Variants in CSRP2 observed in about 807,000 individuals in gnomAD.
CSRP2 encodes cysteine and glycine rich protein 2.
A neutral mutation model predicts 24.6 loss-of-function variants in CSRP2; 18 were observed. The ratio of observed to expected loss-of-function variants is 0.73; its 90% CI spans 0.51 to 1.09. The LOEUF (loss-of-function observed/expected upper bound fraction) is 1.09, where lower values mean the gene tolerates loss of function less well. CSRP2 is among the 50% of genes least tolerant of loss of function. CSRP2 has a pLI of 0.00. For missense variants in CSRP2, 215 were observed against 239.4 expected (o/e 0.90, Z 0.67); for synonymous variants, 87 against 84.3 (o/e 1.03, Z -0.18).
intron 5 of CSRP2, 163 bp downstream of exon 5, chr12:76,859,384 C>G: frequency 1.6e-6 from 1 of 611,108 alleles, no homozygotes; most frequent in Non-Finnish European, 2.9e-6. Context: ...TGATCAGGAA[C>G]TTAACTGTGG....
At chr12:76,873,167 T>G (rs1250488171) in intron 1 of CSRP2, among the ~76,000 whole-genome samples, 1 of 152,242 alleles carries the variant, frequency 6.6e-6, no homozygotes, top group Non-Finnish European at 1.5e-5. Context: ...TTACTACATG[T>G]AGGGCCTTGT....
intron 2 of CSRP2, chr12:76,864,386 G>A (rs1953713453): frequency 6.6e-6 from 1 of 152,082 alleles, no homozygotes; most frequent in Non-Finnish European, 1.5e-5. Context: ...TAAAAATATA[G>A]TTAGAATGAA....
chr12:76,876,547 C>T (rs932788852), intron 1 of CSRP2, among the ~76,000 whole-genome samples: 5 of 152,112 alleles, frequency 3.3e-5, no homozygotes, highest in East Asian at 3.8e-4. Context: ...CTTTATGTTA[C>T]GTCATTTTGA....
chr12:76,865,941 G>A, intron 2 of CSRP2: 2 of 571,380 alleles, frequency 3.5e-6, no homozygotes, highest in Non-Finnish European at 6.2e-6. Context: ...AAAGCTATGG[G>A]GACACAAAGG....
intron 3 of CSRP2, 56 bp from the exon 4 acceptor site, chr12:76,860,469 T>C (rs1415925254): frequency 4.4e-6 from 7 of 1,593,848 alleles, no homozygotes; most frequent in Non-Finnish European, 6.0e-6. Flanking sequence ...CCCTTTTAAG[T>C]ACACAAGGCA....
chr12:76,865,966 T>C (rs1286816890), intron 2 of CSRP2, 183 bp downstream of exon 2: 1 of 585,702 alleles, frequency 1.7e-6, no homozygotes, highest in Non-Finnish European at 3.0e-6. Flanking sequence ...CTGGGTGTCT[T>C]GGGCCACCCC....
At chr12:76,869,773 T>G (rs1953778121) in intron 1 of CSRP2, among the ~76,000 whole-genome samples, 1 of 152,228 alleles carries the variant, frequency 6.6e-6, no homozygotes. Flanking sequence ...TGTAGCTGCA[T>G]AAATCTTTTA....
intron 1 of CSRP2, among the ~76,000 whole-genome samples, chr12:76,867,782 C>T (rs1953749527): frequency 6.6e-6 from 1 of 152,130 alleles, no homozygotes; most frequent in Non-Finnish European, 1.5e-5. Context: ...TAACCCAAAC[C>T]TGGCTAGAAA....
Position 76,859,408 on chromosome 12 carries a change from A to G in CSRP2, c.505+139T>C, listed in dbSNP as rs989317112. On this transcript the variant is annotated intron_variant, in intron 5 of 5. Coordinates refer to ENST00000311083, the MANE Select transcript of CSRP2 (RefSeq NM_001321.3). ...ACTTAACTGTGGTTCTCTGTCATCTATAAGCATCTTGGGATATTTTATTTT... is the reference window on the plus strand; with the variant it reads ...ACTTAACTGTGGTTCTCTGTCATCTGTAAGCATCTTGGGATATTTTATTTT... The G allele has an allele frequency of 1.6e-5, 10 of 641,238 alleles. No individual in the cohort carries two copies. The African/African-American group carries it at 1.8e-4, about 12-fold the overall frequency. 39.7% of individuals were successfully genotyped at this position (641,238 alleles called of 1,614,324 possible). A position where few individuals can be genotyped will look rare whatever the true frequency, so the allele number is the denominator to read the frequency against.
intron 4 of CSRP2, 36 bp from the exon 5 acceptor site, chr12:76,859,676 C>T (rs762454221): frequency 1.3e-6 from 2 of 1,504,834 alleles, no homozygotes; most frequent in East Asian, 2.3e-5. Flanking sequence ...GTTTGAGAGG[C>T]CTGTTTCCTA....
intron 1 of CSRP2, among the ~76,000 whole-genome samples, chr12:76,877,084 T>C (rs1953860258): frequency 6.6e-6 from 1 of 152,202 alleles, no homozygotes; most frequent in African/African-American, 2.4e-5. Context: ...ATGCCTCCTC[T>C]CCCATAGGGG....
At chr12:76,873,689 C>T (rs1305046427) in intron 1 of CSRP2, among the ~76,000 whole-genome samples, 4 of 152,152 alleles carry the variant, frequency 2.6e-5, no homozygotes, top group Non-Finnish European at 5.9e-5. Flanking sequence ...GATGAGGTAA[C>T]GCTTGCATAG....
chr12:76,862,951 C>A, intron 3 of CSRP2: 1 of 1,490,818 alleles, frequency 6.7e-7, no homozygotes, highest in Non-Finnish European at 8.9e-7. Context: ...CTTGATACAG[C>A]TTGGAATGCT....
At chr12:76,864,649 G>C (rs1236871494) in intron 2 of CSRP2, 3 of 151,758 alleles carry the variant, frequency 2.0e-5, no homozygotes, top group Non-Finnish European at 2.9e-5. Context: ...AAAGGGGGGG[G>C]GTTGAATAAA....
intron 1 of CSRP2, among the ~76,000 whole-genome samples, chr12:76,869,263 TTC>T (rs1953767790): frequency 6.6e-6 from 1 of 152,062 alleles, no homozygotes; most frequent in African/African-American, 2.4e-5. Flanking sequence ...TACTAATCCA[TTC>T]AAGAGAGTGG....
At chr12:76,863,969 C>CT (rs1953709747) in intron 2 of CSRP2, 1 of 152,200 alleles carries the variant, frequency 6.6e-6, no homozygotes, top group Non-Finnish European at 1.5e-5. Flanking sequence ...AAGTATCACA[C>CT]TTTCCTCTCC....
intron 3 of CSRP2, 152 bp downstream of exon 3, chr12:76,863,024 A>G (rs546587385): frequency 2.2e-4 from 312 of 1,434,904 alleles, no homozygotes; most frequent in Admixed American, 6.0e-4. Context: ...CCAAAACTCA[A>G]TATTTTGAAC....
At chr12:76,874,534 G>A (rs529711342) in intron 1 of CSRP2, among the ~76,000 whole-genome samples, 28 of 152,142 alleles carry the variant, frequency 1.8e-4, no homozygotes, top group East Asian at 9.7e-4. Context: ...ACAAATGGGC[G>A]GGCTTCCTTT....
At chr12:76,860,771 GAAT>G (rs1953668684) in intron 3 of CSRP2, 1 of 160,230 alleles carries the variant, frequency 6.2e-6, no homozygotes, top group Admixed American at 6.4e-5. Flanking sequence ...TTTTACTCCA[GAAT>G]AATATCACTG....
Sources: allele counts gnomAD v4.1 joint callset (sites outside exome capture counted in the v4.1 genomes callset), GRCh38; gene constraint gnomAD v4.1.1; transcripts MANE v1.5; gene names NCBI Gene and HGNC (gene_info 2026-07-23, HGNC 2026-07-21).